Variants in GALNTL6 observed in about 807,000 individuals in gnomAD.
GALNTL6 encodes polypeptide N-acetylgalactosaminyltransferase like 6.
In GALNTL6, 46 loss-of-function variants were observed where a neutral mutation model predicts 73.7. That is an observed-to-expected ratio of 0.62 (90% CI 0.49 to 0.80). The LOEUF (loss-of-function observed/expected upper bound fraction) is 0.80. Ranked by LOEUF, GALNTL6 falls within the 30% of genes least tolerant of loss-of-function variation. The pLI is 0.00. For synonymous variants in GALNTL6, 259 were observed against 263.7 expected (o/e 0.98, Z 0.17); for missense variants, 604 against 755.0 (o/e 0.80, Z 2.34).
At chr4:172,924,985 C>T (rs1747973042) in intron 8 of GALNTL6, among the ~76,000 whole-genome samples, 1 of 152,086 alleles carries the variant, frequency 6.6e-6, no homozygotes, top group African/African-American at 2.4e-5. Context: ...CATTCTCCTG[C>T]CTCAGCCTCC....
chr4:171,976,165 C>G (rs1739716044), intron 2 of GALNTL6, among the ~76,000 whole-genome samples: 1 of 152,208 alleles, frequency 6.6e-6, no homozygotes, highest in Non-Finnish European at 1.5e-5. Flanking sequence ...TCAAGTAATT[C>G]TTCCACCTCG....
chr4:171,896,873 C>A (rs1736932586), intron 2 of GALNTL6, among the ~76,000 whole-genome samples: 1 of 151,778 alleles, frequency 6.6e-6, no homozygotes, highest in Admixed American at 6.6e-5. Context: ...AGTTTAAAGC[C>A]AATTGAAAAA....
At chr4:172,562,062 T>G (rs1408864073) in intron 5 of GALNTL6, among the ~76,000 whole-genome samples, 2 of 152,052 alleles carry the variant, frequency 1.3e-5, no homozygotes, top group African/African-American at 4.8e-5. Flanking sequence ...ATTCATAGGG[T>G]GGGTATGATG....
chr4:172,538,790 G>A (rs969907415), intron 5 of GALNTL6, among the ~76,000 whole-genome samples: 4 of 152,082 alleles, frequency 2.6e-5, no homozygotes, highest in African/African-American at 9.7e-5. Flanking sequence ...CTGAATTTTG[G>A]GGAGACTATA....
intron 8 of GALNTL6, among the ~76,000 whole-genome samples, chr4:172,920,271 T>C (rs1747727646): frequency 6.6e-6 from 1 of 152,232 alleles, no homozygotes; most frequent in South Asian, 2.1e-4. Context: ...TCTTTTTTTC[T>C]CGCTATCTCA....
intron 2 of GALNTL6, among the ~76,000 whole-genome samples, chr4:171,983,409 T>C (rs1739971649): frequency 6.6e-6 from 1 of 152,160 alleles, no homozygotes; most frequent in Non-Finnish European, 1.5e-5. Context: ...TGAGAACTTT[T>C]CTAGAAATGT....
intron 5 of GALNTL6, among the ~76,000 whole-genome samples, chr4:172,491,651 G>A (rs1032809469): frequency 2.6e-5 from 4 of 151,994 alleles, no homozygotes; most frequent in African/African-American, 7.2e-5. Flanking sequence ...GTGTAGACTA[G>A]GAGATAAAAT....
rs536820974 is a variant in GALNTL6 at position 171,905,322 on chromosome 4, T to A, written c.138+90604T>A. 2.9e-3 allele frequency among the ~76,000 whole-genome samples: 422 copies of A among 147,740 alleles called. 5 individuals are homozygous for A. The highest frequency in any genetic ancestry group is 0.011 in the African/African-American group (402 of 37,532). On this transcript the variant is annotated intron_variant, in intron 2 of 12. Transcript: ENST00000506823. ...AAGATCTACCAAGCAAATGGAAAAC[T>A]AAAAAAGGCAGGGGTTGCAATCCTA...
At chr4:172,382,277 CTTT>C (rs879390398) in intron 5 of GALNTL6, among the ~76,000 whole-genome samples, 1 of 142,246 alleles carries the variant, frequency 7.0e-6, no homozygotes. Context: ...CCAATATTGT[CTTT>C]TTTTTTTTTT....
intron 5 of GALNTL6, among the ~76,000 whole-genome samples, chr4:172,391,992 G>GT (rs796093754): frequency 6.2e-4 from 93 of 149,900 alleles, no homozygotes; most frequent in East Asian, 3.9e-3. Flanking sequence ...ATTTTAAACA[G>GT]TTTTTTTTTT....
chr4:172,600,529 T>A (rs1248752497), intron 5 of GALNTL6, among the ~76,000 whole-genome samples: 1 of 146,666 alleles, frequency 6.8e-6, no homozygotes, highest in Admixed American at 6.7e-5. Context: ...GAGAAAAATC[T>A]CCAAAATCTA....
intron 10 of GALNTL6, among the ~76,000 whole-genome samples, chr4:172,959,186 G>C (rs1009539567): frequency 2.6e-5 from 4 of 152,048 alleles, no homozygotes; most frequent in Non-Finnish European, 4.4e-5. Flanking sequence ...TCACTGAGGA[G>C]GGAGTAGAGG....
At chr4:172,343,395 A>T (rs1741637003) in intron 4 of GALNTL6, among the ~76,000 whole-genome samples, 1 of 152,182 alleles carries the variant, frequency 6.6e-6, no homozygotes, top group Admixed American at 6.5e-5. Flanking sequence ...AAATGCCTGT[A>T]ATATAAACAT....
intron 5 of GALNTL6, among the ~76,000 whole-genome samples, chr4:172,796,351 CT>C (rs1037861546): frequency 6.6e-6 from 1 of 152,020 alleles, no homozygotes; most frequent in Non-Finnish European, 1.5e-5. Context: ...ATTTCTTAAA[CT>C]TTCTGACCTT....
At chr4:172,386,742 G>T (rs1051796691) in intron 5 of GALNTL6, among the ~76,000 whole-genome samples, 2 of 151,960 alleles carry the variant, frequency 1.3e-5, no homozygotes, top group Admixed American at 1.3e-4. Context: ...ACAGGAGAAG[G>T]GTGTCCCATT....
At chr4:172,018,389 A>C (rs1741276795) in intron 2 of GALNTL6, among the ~76,000 whole-genome samples, 1 of 152,020 alleles carries the variant, frequency 6.6e-6, no homozygotes. Context: ...TGCTGAGGCC[A>C]CTGTAGGGGT....
chr4:172,356,298 C>A (rs1486961489), intron 5 of GALNTL6, among the ~76,000 whole-genome samples: 1 of 152,104 alleles, frequency 6.6e-6, no homozygotes, highest in African/African-American at 2.4e-5. Flanking sequence ...GCATAACTTT[C>A]TTTGATGAAA....
At chr4:172,701,221 A>G (rs976549336) in intron 5 of GALNTL6, among the ~76,000 whole-genome samples, 20 of 152,250 alleles carry the variant, frequency 1.3e-4, no homozygotes, top group Admixed American at 9.2e-4. Flanking sequence ...TTACGTCATT[A>G]GAACATAGTT....
chr4:172,916,901 A>G (rs941999654), intron 8 of GALNTL6, among the ~76,000 whole-genome samples: 3 of 152,222 alleles, frequency 2.0e-5, no homozygotes, highest in African/African-American at 4.8e-5. Flanking sequence ...AAACTACTTT[A>G]AAGTTCATAT....
Sources: allele counts gnomAD v4.1 joint callset (sites outside exome capture counted in the v4.1 genomes callset), GRCh38; gene constraint gnomAD v4.1.1; transcripts MANE v1.5; gene names NCBI Gene and HGNC (gene_info 2026-07-23, HGNC 2026-07-21).